The following SLC36A1 variants were observed in gnomAD, a reference collection of about 807,000 sequenced individuals.
SLC36A1 encodes the protein proton-coupled amino acid transporter 1.
A neutral mutation model predicts 47.5 loss-of-function variants in SLC36A1; 30 were observed. That is an observed-to-expected ratio of 0.63 (90% CI 0.47 to 0.86). The LOEUF (loss-of-function observed/expected upper bound fraction) is 0.86, where lower values mean the gene tolerates loss of function less well. Among genes scored for constraint, SLC36A1 ranks in the 40% least tolerant of loss-of-function variants. SLC36A1 has a pLI of 0.00. For synonymous variants in SLC36A1, 255 were observed against 249.7 expected (o/e 1.02, Z -0.20); for missense variants, 517 against 606.0 (o/e 0.85, Z 1.54).
the SLC36A1 span, chr5:151,537,897 A>G: frequency 9.4e-5 from 152 of 1,614,068 alleles, no homozygotes; most frequent in Non-Finnish European, 1.2e-4. Flanking sequence ...AACCTTCAAA[A>G]TGAAGTGTCC....
chr5:151,413,867 G>GTATA, the SLC36A1 span, among the ~76,000 whole-genome samples: 1 of 151,730 alleles, frequency 6.6e-6, no homozygotes, highest in South Asian at 2.1e-4. Context: ...ATTTATACAC[G>GTATA]TATATATATG....
rs1413256643 is a variant in SLC36A1 at position 151,473,874 on chromosome 5, C to T, written c.822+103C>T. ...AGGAAACATTGTTAGAAAGTATCTT[C>T]TGAGGCCAGGCATGGTGGCTCACGC... On this transcript the variant is annotated intron_variant, in intron 8 of 10. Coordinates refer to ENST00000243389, the MANE Select transcript of SLC36A1 (RefSeq NM_078483.4). 15 of 951,894 alleles carry T rather than the reference C, an allele frequency of 1.6e-5. No individual in the cohort carries two copies. In the East Asian group the frequency reaches 3.7e-4, roughly 24 times the overall value. The allele number at this position is 951,894 out of a possible 1,614,324, so 59.0% of individuals were successfully genotyped here. A position where few individuals can be genotyped will look rare whatever the true frequency, so the allele number is the denominator to read the frequency against.
At chr5:151,452,288 C>G (rs193063345) in intron 1 of SLC36A1, 1 of 152,192 alleles carries the variant, frequency 6.6e-6, no homozygotes, top group Non-Finnish European at 1.5e-5. Context: ...ATTTTACTTC[C>G]CTCACTGTAG....
the SLC36A1 span, among the ~76,000 whole-genome samples, chr5:151,363,732 GA>G: frequency 6.6e-6 from 1 of 152,062 alleles, no homozygotes; most frequent in Admixed American, 6.6e-5. Flanking sequence ...TGCTTCTTGG[GA>G]GCACTTCCAG....
At chr5:151,357,869 TAAAAG>T in the SLC36A1 span, among the ~76,000 whole-genome samples, 1 of 152,344 alleles carries the variant, frequency 6.6e-6, no homozygotes, top group Non-Finnish European at 1.5e-5. Flanking sequence ...TGGCATCTGT[TAAAAG>T]AAAACCTATA....
intron 7 of SLC36A1, among the ~76,000 whole-genome samples, chr5:151,470,460 AG>A (rs1757163258): frequency 6.6e-6 from 1 of 152,212 alleles, no homozygotes; most frequent in African/African-American, 2.4e-5. Flanking sequence ...TGTCTGCATA[AG>A]GGCAGCCCTG....
the SLC36A1 span, among the ~76,000 whole-genome samples, chr5:151,384,972 A>ATG: frequency 0.48 from 67,123 of 140,768 alleles, 17,959 homozygotes; most frequent in African/African-American, 0.77. Flanking sequence ...TGAGGTGTGT[A>ATG]TGTGTGTGTG....
At chr5:151,387,725 C>G in the SLC36A1 span, among the ~76,000 whole-genome samples, 5 of 152,208 alleles carry the variant, frequency 3.3e-5, no homozygotes, top group Non-Finnish European at 7.3e-5. Context: ...CCTCAGCCTC[C>G]CAAGTAGCTG....
the SLC36A1 span, chr5:151,529,282 T>C: frequency 6.2e-7 from 1 of 1,613,834 alleles, no homozygotes; most frequent in Non-Finnish European, 8.5e-7. Context: ...ATGTTGACCA[T>C]GACTGTGGTC....
At chr5:151,412,418 C>G in the SLC36A1 span, 1 of 144,294 alleles carries the variant, frequency 6.9e-6, no homozygotes, top group Non-Finnish European at 1.5e-5. Flanking sequence ...AACTTTCCCT[C>G]TCTAGAGGAA....
At chr5:151,353,282 AGAG>A in the SLC36A1 span, among the ~76,000 whole-genome samples, 2 of 152,232 alleles carry the variant, frequency 1.3e-5, no homozygotes, top group African/African-American at 4.8e-5. Context: ...TGAGGCCCAG[AGAG>A]GAGAAGTGAG....
chr5:151,551,595 C>A, the SLC36A1 span: 1 of 1,614,168 alleles, frequency 6.2e-7, no homozygotes, highest in Non-Finnish European at 8.5e-7. Flanking sequence ...AAGTCCATGT[C>A]CTTATCCCCA....
chr5:151,465,122 A>G lies in SLC36A1; in HGVS notation c.372A>G (p.Leu124=), dbSNP rs745938418. 3.1e-6 allele frequency: 5 copies of G among 1,614,188 alleles called. No individual in the cohort carries two copies. The highest frequency in any genetic ancestry group is 8.5e-7 in the Non-Finnish European group (1 of 1,180,024). ...ATGGTGATACTGTGATGTATGGACT[A>G]GAATCCAGCCCCTGCTCCTGGCTCC... ...VDYGDTVMYG[L]ESSPCSWLRN... is the part of the protein sequence containing the mutation. Residue 124 remains leucine (L), a synonymous_variant, in exon 5 of 11, where the codon CTA becomes CTG. Transcript: ENST00000243389.
At chr5:151,518,374 A>ATTATTATTATTATTATTATT in the SLC36A1 span, among the ~76,000 whole-genome samples, 2 of 147,392 alleles carry the variant, frequency 1.4e-5, no homozygotes, top group South Asian at 2.2e-4. Context: ...TAATAATAAT[A>ATTATTATTATTATTATTATT]ATTTTTAAAA....
chr5:151,516,903 C>T, the SLC36A1 span, among the ~76,000 whole-genome samples: 4 of 151,978 alleles, frequency 2.6e-5, no homozygotes, highest in Admixed American at 6.6e-5. Context: ...GTCAGGAGTT[C>T]GAGACCAGCC....
chr5:151,439,414 G>A (rs1752492095), intron 1 of SLC36A1, among the ~76,000 whole-genome samples: 1 of 152,084 alleles, frequency 6.6e-6, no homozygotes. Context: ...CAGCACTTTG[G>A]GAAGCCAAGG....
At position 151,466,578 on chromosome 5, in the gene SLC36A1, C is replaced by A. The variant is rs557295694; in HGVS notation, c.420-621C>A. Among the ~76,000 whole-genome samples the A allele has an allele frequency of 3.3e-5, 5 of 152,324 alleles. No homozygotes were observed. In the East Asian group the frequency reaches 5.8e-4, roughly 18 times the overall value. On this transcript the variant is annotated intron_variant, in intron 5 of 10. Coordinates refer to ENST00000243389, the MANE Select transcript of SLC36A1 (RefSeq NM_078483.4). Reference sequence around the variant, plus strand: ...GTTGTTACCAGCTGCTATTGTTCAACCAGCAGTCTGTTTTTGGTACATCAG... The same window carrying A: ...GTTGTTACCAGCTGCTATTGTTCAAACAGCAGTCTGTTTTTGGTACATCAG...
At chr5:151,501,073 T>C in the SLC36A1 span, among the ~76,000 whole-genome samples, 1 of 152,162 alleles carries the variant, frequency 6.6e-6, no homozygotes, top group Non-Finnish European at 1.5e-5. Context: ...GGACCTGCCT[T>C]GGGGTCTTGC....
the SLC36A1 span, among the ~76,000 whole-genome samples, chr5:151,363,584 C>A: frequency 6.6e-6 from 1 of 152,116 alleles, no homozygotes; most frequent in Non-Finnish European, 1.5e-5. Context: ...ATCCCCAGAG[C>A]TTATCATTTT....
Sources: gnomAD v4.1 joint callset for allele counts (sites outside exome capture counted in the v4.1 genomes callset) on GRCh38, gnomAD v4.1.1 for gene constraint, MANE v1.5 for transcripts, NCBI Gene and HGNC (gene_info 2026-07-23, HGNC 2026-07-21) for gene names.